Variants in FANCG observed in about 807,000 individuals in gnomAD.
FANCG encodes Fanconi anemia group G protein.
Under a neutral mutation model 73.3 loss-of-function variants are expected in FANCG, and 67 were observed. The observed-to-expected ratio is 0.91, with a 90% CI of 0.75 to 1.12. The LOEUF is 1.12. Among genes scored for constraint, FANCG ranks in the 50% most tolerant of loss-of-function variants. FANCG has a pLI of 0.00. For missense variants in FANCG, 643 were observed against 735.6 expected, an observed-to-expected ratio of 0.87 and a Z score of 1.46; for synonymous variants, 297 against 311.6, an observed-to-expected ratio of 0.95 and a Z score of 0.49.
chr9:35,074,009 T>G lies in FANCG; in HGVS notation c.*99A>C, dbSNP rs950681497. The G allele has an allele frequency of 5.4e-6, 5 of 922,468 alleles. No individual in the cohort carries two copies. Among genetic ancestry groups the G allele is most frequent in the Non-Finnish European group, 9.0e-6 (5 of 556,332 alleles). The allele number at this position is 922,468 out of a possible 1,614,324, so 57.1% of individuals were successfully genotyped here. On this transcript the variant is annotated 3_prime_UTR_variant, in exon 14 of 14. Coordinates refer to ENST00000378643, the MANE Select transcript of FANCG (RefSeq NM_004629.2). ...CAATCTCACCAGTCCAGGAATTATA[T>G]AGGAATGGTCACATTCCTAATGATG...
Position 35,075,953 on chromosome 9 carries a change from C to G in FANCG, c.1143+9G>C. On this transcript the variant is annotated intron_variant, in intron 9 of 13. Coordinates refer to ENST00000378643, the MANE Select transcript of FANCG (RefSeq NM_004629.2). ...ACCCCATTGCAGAGAAGCTTGAAGA[C>G]ACACCCACCCTTGGCTCCGAGCTAT... The G allele has an allele frequency of 1.2e-6, 2 of 1,614,072 alleles. No homozygotes were observed. The highest frequency in any genetic ancestry group is 1.7e-6 in the Non-Finnish European group (2 of 1,179,934).
rs775353917 is a variant in FANCG at position 35,079,534 on chromosome 9, G to A, written c.-10C>T. ...TGGTCTGGCGGGACATGGTGGCCGAGGCTGGGCCCGGAGACCAGAAGCGGA... is the reference window on the plus strand; with the variant it reads ...TGGTCTGGCGGGACATGGTGGCCGAAGCTGGGCCCGGAGACCAGAAGCGGA... On this transcript the variant is annotated 5_prime_UTR_variant, in exon 1 of 14. Coordinates refer to ENST00000378643, the MANE Select transcript of FANCG (RefSeq NM_004629.2). 1.2e-6 allele frequency: 2 copies of A among 1,613,924 alleles called. No individual in the cohort carries two copies. The highest frequency in any genetic ancestry group is 1.7e-6 in the Non-Finnish European group (2 of 1,179,988).
In FANCG at chr9:35,079,461, G is replaced by A. The variant is rs754043717; in HGVS notation, c.64C>T (p.Arg22Trp). 5 of 1,614,012 alleles carry A rather than the reference G, an allele frequency of 3.1e-6. No individual in the cohort carries two copies. In the East Asian group the frequency reaches 6.7e-5, roughly 22 times the overall value. Residue 22 changes from arginine (R) to tryptophan (W), a missense_variant, in exon 1 of 14, where the codon CGG (arginine) becomes TGG (tryptophan). Coordinates refer to ENST00000378643, the MANE Select transcript of FANCG (RefSeq NM_004629.2). ...CLDLWREKND[R>W]LVRQAKVAQN... The stretch of plus-strand genomic sequence containing the variant: ...GTTACCTTGGCCTGTCGAACGAGCC[G>A]GTCATTCTTTTCCCTCCACAGGTCC...
In FANCG at chr9:35,074,122, A is replaced by G. The variant is rs1485915037; in HGVS notation, c.1855T>C (p.Ser619Pro). 1 of 1,614,154 alleles carries G rather than the reference A, an allele frequency of 6.2e-7. No homozygotes were observed. The highest frequency in any genetic ancestry group is 8.5e-7 in the Non-Finnish European group (1 of 1,179,996). Residue 619 changes from serine to proline, a missense_variant, in exon 14 of 14, where the codon TCT becomes CCT. Transcript: ENST00000378643. ...LEEFRTSLPK[S>P]CDL ...AAACGTGGCAGCTACAGGTCACAAG[A>G]CTTTGGCAGAGATGTCCGAAATTCT...
chr9:35,074,524 T>C (rs777365150), intron 12 of FANCG, 30 bp from the exon 13 acceptor site: 47 of 1,604,418 alleles, frequency 2.9e-5, no homozygotes, highest in Non-Finnish European at 3.8e-5. Context: ...TACAGAGTCT[T>C]AGAACTTGAC....
chr9:35,075,086 G>T lies in FANCG; in HGVS notation c.1481-4C>A, dbSNP rs1829057884. 1 of 1,613,666 alleles carries T rather than the reference G, an allele frequency of 6.2e-7. No individual in the cohort carries two copies. The highest frequency in any genetic ancestry group is 8.5e-7 in the Non-Finnish European group (1 of 1,180,012). On this transcript the variant is annotated splice_region_variant and splice_polypyrimidine_tract_variant and intron_variant, in intron 11 of 13. Coordinates refer to ENST00000378643, the MANE Select transcript of FANCG (RefSeq NM_004629.2). The stretch of plus-strand genomic sequence containing the variant: ...TGCTCACAGTTGAAAGCTGCCCCTG[G>T]GGACCACTCCCAAAGTCAAGAAGTG...
At position 35,076,876 on chromosome 9, in the gene FANCG, G is replaced by C. The variant is rs752788753; in HGVS notation, c.778-6C>G. ...AGTGCTCTCTGTGGATTTCCCTAAAGGGATAGGAGGACACGGGCCTCAGCT... is the reference window on the plus strand; with the variant it reads ...AGTGCTCTCTGTGGATTTCCCTAAACGGATAGGAGGACACGGGCCTCAGCT... On this transcript the variant is annotated splice_region_variant and splice_polypyrimidine_tract_variant and intron_variant, in intron 6 of 13. Coordinates refer to ENST00000378643, the MANE Select transcript of FANCG (RefSeq NM_004629.2). The C allele has an allele frequency of 3.7e-6, 6 of 1,614,216 alleles. No homozygotes were observed. In the South Asian group the frequency reaches 6.6e-5, roughly 18 times the overall value.
rs1829100808 is a variant in FANCG at position 35,077,154 on chromosome 9, A to G, written c.647-53T>C. ...AGAGGGCTATAGAGCAGGGGTCATG[A>G]TGGGGAACAAGGGTCTAAGAAGCCC... On this transcript the variant is annotated intron_variant, in intron 5 of 13. Coordinates refer to ENST00000378643, the MANE Select transcript of FANCG (RefSeq NM_004629.2). 3 of 1,614,106 alleles carry G rather than the reference A, an allele frequency of 1.9e-6. No homozygotes were observed. The South Asian group carries it at 3.3e-5, about 18-fold the overall frequency.
intron 12 of FANCG, 131 bp downstream of exon 12, chr9:35,074,796 T>G: frequency 3.5e-6 from 4 of 1,152,958 alleles, no homozygotes; most frequent in African/African-American, 1.5e-5. Flanking sequence ...TATCCCTAGG[T>G]ATATATAGCA....
At chr9:35,077,944 TA>T in intron 4 of FANCG, 196 bp downstream of exon 4, 2 of 621,486 alleles carry the variant, frequency 3.2e-6, no homozygotes, top group Non-Finnish European at 5.8e-6. Flanking sequence ...GTCCAATTTT[TA>T]AAAAACACTC....
Position 35,074,033 on chromosome 9 carries a change from T to C in FANCG, c.*75A>G, listed in dbSNP as rs1829028375. On this transcript the variant is annotated 3_prime_UTR_variant, in exon 14 of 14. Transcript: ENST00000378643. ...ATAGGAATGGTCACATTCCTAATGA[T>C]GGTGAAGCAGAAAGCCCTCCCCACA... 9.6e-7 allele frequency: 1 copy of C among 1,042,432 alleles called. No individual in the cohort carries two copies. The highest frequency in any genetic ancestry group is 1.5e-6 in the Non-Finnish European group (1 of 659,198). The allele number at this position is 1,042,432 out of a possible 1,614,324, so 64.6% of individuals were successfully genotyped here.
chr9:35,076,699 A>G (rs1440563813), intron 7 of FANCG, 25 bp downstream of exon 7: 1 of 1,613,982 alleles, frequency 6.2e-7, no homozygotes, highest in Non-Finnish European at 8.5e-7. Flanking sequence ...CCTCCACCCC[A>G]CATCTTCACC....
Sources: allele counts gnomAD v4.1 joint callset, GRCh38; gene constraint gnomAD v4.1.1; transcripts MANE v1.5; gene names NCBI Gene and HGNC (gene_info 2026-07-23, HGNC 2026-07-21).